Variants in PRKCA observed in about 807,000 individuals in gnomAD.
The protein encoded by PRKCA is protein kinase C alpha.
PRKCA carries 27 observed loss-of-function variants against 87.0 expected under a neutral mutation model. The observed-to-expected ratio is 0.31, with a 90% confidence interval of 0.23 to 0.43. The LOEUF is 0.43. Ranked by LOEUF, PRKCA falls within the 20% of genes least tolerant of loss-of-function variation. The probability of loss-of-function intolerance (pLI) is 1.00; values close to 1 mark genes in which losing one functional copy is unlikely to be tolerated. For synonymous variants in PRKCA, 329 were observed against 311.1 expected (o/e 1.06, Z -0.61); for missense variants, 518 against 852.3 (o/e 0.61, Z 4.88).
intron 2 of PRKCA, among the ~76,000 whole-genome samples, chr17:66,363,766 G>A (rs1374281321): frequency 3.9e-5 from 6 of 152,152 alleles, no homozygotes; most frequent in African/African-American, 1.2e-4. Flanking sequence ...GCAGTGGCAC[G>A]ATCTTGGCTC....
intron 3 of PRKCA, among the ~76,000 whole-genome samples, chr17:66,581,953 G>A (rs1392182721): frequency 1.3e-5 from 2 of 152,152 alleles, no homozygotes; most frequent in African/African-American, 4.8e-5. Flanking sequence ...ATGGGATGGG[G>A]ATAAAAGGAA....
intron 14 of PRKCA, among the ~76,000 whole-genome samples, chr17:66,781,064 G>A (rs771361398): frequency 1.3e-5 from 2 of 152,118 alleles, no homozygotes; most frequent in African/African-American, 2.4e-5. Flanking sequence ...AGCTGAGATC[G>A]CACCACTGCA....
intron 10 of PRKCA, 92 bp from the exon 11 acceptor site, chr17:66,738,672 C>G: frequency 1.0e-6 from 1 of 983,674 alleles, no homozygotes; most frequent in South Asian, 1.4e-5. Flanking sequence ...CCCCATTTAA[C>G]TAATGAGAAA....
chr17:66,757,644 TA>T (rs879824860), intron 13 of PRKCA, among the ~76,000 whole-genome samples: 9 of 145,208 alleles, frequency 6.2e-5, no homozygotes, highest in Admixed American at 5.5e-4. Context: ...GAAGGAGAAA[TA>T]AAGACTTTCT....
intron 11 of PRKCA, among the ~76,000 whole-genome samples, chr17:66,739,920 G>T (rs982410366): frequency 6.6e-6 from 1 of 152,132 alleles, no homozygotes; most frequent in Non-Finnish European, 1.5e-5. Flanking sequence ...AAGCATGAAA[G>T]GAAATGGTAG....
chr17:66,729,668 A>G (rs1598902315), intron 8 of PRKCA, among the ~76,000 whole-genome samples: 1 of 152,232 alleles, frequency 6.6e-6, no homozygotes, highest in East Asian at 1.9e-4. Context: ...AAGCAAAAAT[A>G]TCAGGGCCAT....
chr17:66,355,098 A>C (rs1907971945), intron 2 of PRKCA, among the ~76,000 whole-genome samples: 1 of 152,240 alleles, frequency 6.6e-6, no homozygotes, highest in South Asian at 2.1e-4. Flanking sequence ...CACAATAAGC[A>C]CATTTCGTGG....
intron 2 of PRKCA, among the ~76,000 whole-genome samples, chr17:66,313,966 A>G (rs1416737960): frequency 2.6e-5 from 4 of 152,222 alleles, no homozygotes; most frequent in Non-Finnish European, 5.9e-5. Flanking sequence ...TATGTATTCA[A>G]TGCTACATTA....
intron 2 of PRKCA, among the ~76,000 whole-genome samples, chr17:66,446,399 C>T (rs1433598273): frequency 6.6e-6 from 1 of 152,172 alleles, no homozygotes; most frequent in Non-Finnish European, 1.5e-5. Context: ...AGGATGGAAA[C>T]AATTTTCTTC....
At chr17:66,761,947 G>A (rs1022121264) in intron 13 of PRKCA, among the ~76,000 whole-genome samples, 2 of 152,112 alleles carry the variant, frequency 1.3e-5, no homozygotes, top group Admixed American at 6.5e-5. Flanking sequence ...AGAGGGCCAA[G>A]GAGGGTGTCC....
At chr17:66,479,150 A>G (rs760268399) in intron 2 of PRKCA, among the ~76,000 whole-genome samples, 1 of 152,216 alleles carries the variant, frequency 6.6e-6, no homozygotes, top group African/African-American at 2.4e-5. Flanking sequence ...TCCAACATCT[A>G]TAAGGAACTT....
At chr17:66,767,547 A>C (rs1012156395) in intron 13 of PRKCA, among the ~76,000 whole-genome samples, 1 of 152,152 alleles carries the variant, frequency 6.6e-6, no homozygotes, top group African/African-American at 2.4e-5. Context: ...ACTTACATGA[A>C]GGAGGAAGTT....
chr17:66,354,775 T>C (rs1907952570), intron 2 of PRKCA, among the ~76,000 whole-genome samples: 1 of 152,206 alleles, frequency 6.6e-6, no homozygotes, highest in African/African-American at 2.4e-5. Flanking sequence ...AAAGATGATA[T>C]TGCCTTGCAC....
At chr17:66,330,452 A>G (rs138114746) in intron 2 of PRKCA, among the ~76,000 whole-genome samples, 5 of 152,122 alleles carry the variant, frequency 3.3e-5, no homozygotes, top group Non-Finnish European at 7.4e-5. Context: ...ACCAAACCCA[A>G]CTGTTGCCCC....
intron 2 of PRKCA, among the ~76,000 whole-genome samples, chr17:66,406,203 C>G (rs1382909897): frequency 1.3e-5 from 2 of 151,894 alleles, no homozygotes; most frequent in African/African-American, 2.4e-5. Context: ...ACATTGATTT[C>G]TTGCTCATTT....
intron 3 of PRKCA, among the ~76,000 whole-genome samples, chr17:66,514,502 A>G (rs1181589503): frequency 1.3e-5 from 2 of 152,170 alleles, no homozygotes; most frequent in Non-Finnish European, 2.9e-5. Flanking sequence ...CAGCGACTTG[A>G]ACTGAATAGG....
intron 2 of PRKCA, among the ~76,000 whole-genome samples, chr17:66,408,820 G>A (rs540674637): frequency 4.6e-5 from 7 of 152,074 alleles, no homozygotes; most frequent in Admixed American, 3.3e-4. Context: ...TTGGGAGGCC[G>A]AGGTGGGCGG....
chr17:66,696,435 A>T (rs779063756), intron 8 of PRKCA: 1 of 152,336 alleles, frequency 6.6e-6, no homozygotes, highest in Non-Finnish European at 1.5e-5. Context: ...AGTGGAGATG[A>T]TAATAGAGAC....
intron 8 of PRKCA, among the ~76,000 whole-genome samples, chr17:66,699,038 A>G (rs1003647660): frequency 6.6e-6 from 1 of 151,264 alleles, no homozygotes; most frequent in Admixed American, 6.6e-5. Flanking sequence ...TATGGACAGT[A>G]GAAAAGGTAA....
Sources: gnomAD v4.1 joint callset for allele counts (sites outside exome capture counted in the v4.1 genomes callset) on GRCh38, gnomAD v4.1.1 for gene constraint, MANE v1.5 for transcripts, NCBI Gene and HGNC (gene_info 2026-07-23, HGNC 2026-07-21) for gene names.